Variants in ADGRB3 observed in about 807,000 individuals in gnomAD.
ADGRB3 encodes brain-specific angiogenesis inhibitor 3.
A neutral mutation model predicts 193.4 loss-of-function variants in ADGRB3; 37 were observed. The ratio of observed to expected loss-of-function variants is 0.19; its 90% confidence interval spans 0.15 to 0.25. ADGRB3 has a LOEUF of 0.25. Among genes scored for constraint, ADGRB3 ranks in the 10% least tolerant of loss-of-function variants. The pLI, the probability that ADGRB3 is intolerant of heterozygous loss-of-function variation, is 1.00. For synonymous variants in ADGRB3, 690 were observed against 644.2 expected, an observed-to-expected ratio of 1.07 and a Z score of -1.08; for missense variants, 1,637 against 1,852.9, an observed-to-expected ratio of 0.88 and a Z score of 2.14.
chr6:68,944,120 T>A, intron 6 of ADGRB3, 126 bp downstream of exon 6: 1 of 1,048,182 alleles, frequency 9.5e-7, no homozygotes, highest in Non-Finnish European at 1.3e-6. Flanking sequence ...CTTTTCATTG[T>A]ATCTTGCCTA....
rs143496660 is a variant in ADGRB3 at position 69,030,302 on chromosome 6, G to T, written c.2107+11803G>T. On this transcript the variant is annotated intron_variant, in intron 13 of 31. Coordinates refer to ENST00000370598, the MANE Select transcript of ADGRB3 (RefSeq NM_001704.3). ...GGATTATAAATCATTTTACTATAAA[G>T]ACACATGCACACATATGTTTATTGC... Among the ~76,000 whole-genome samples the T allele has an allele frequency of 1.4e-3, 212 of 152,198 alleles. 2 individuals carry two copies. The East Asian group carries it at 0.036, about 26-fold the overall frequency.
intron 3 of ADGRB3, among the ~76,000 whole-genome samples, chr6:68,817,934 T>G (rs1284858808): frequency 6.6e-6 from 1 of 152,114 alleles, no homozygotes; most frequent in Non-Finnish European, 1.5e-5. Flanking sequence ...TGTTGTGATT[T>G]GCATCATTTT....
chr6:69,011,920 T>G (rs1177340031), intron 11 of ADGRB3, among the ~76,000 whole-genome samples: 2 of 152,068 alleles, frequency 1.3e-5, no homozygotes, highest in African/African-American at 4.8e-5. Flanking sequence ...CAAATAACTT[T>G]ATTCTGTACT....
At chr6:69,362,929 A>G (rs1037442604) in intron 29 of ADGRB3, among the ~76,000 whole-genome samples, 3 of 152,036 alleles carry the variant, frequency 2.0e-5, no homozygotes, top group Non-Finnish European at 4.4e-5. Context: ...ATATAATAAC[A>G]TAACATTATA....
intron 30 of ADGRB3, among the ~76,000 whole-genome samples, chr6:69,378,377 A>G (rs979181618): frequency 1.3e-5 from 2 of 152,048 alleles, no homozygotes; most frequent in Non-Finnish European, 2.9e-5. Flanking sequence ...GATAGCAACA[A>G]GCAAAGAGAA....
intron 15 of ADGRB3, among the ~76,000 whole-genome samples, chr6:69,061,437 T>C (rs181200259): frequency 1.3e-3 from 201 of 152,124 alleles, no homozygotes; most frequent in African/African-American, 4.7e-3. Context: ...CTATATGACT[T>C]AAATGGTACA....
At chr6:69,358,063 T>C (rs1407819865) in intron 28 of ADGRB3, among the ~76,000 whole-genome samples, 1 of 151,940 alleles carries the variant, frequency 6.6e-6, no homozygotes, top group Non-Finnish European at 1.5e-5. Flanking sequence ...ACCTTCAGTG[T>C]TGTTTTTTTC....
intron 17 of ADGRB3, among the ~76,000 whole-genome samples, chr6:69,210,179 T>C (rs1348544368): frequency 2.3e-5 from 3 of 130,868 alleles, no homozygotes; most frequent in African/African-American, 5.9e-5. Flanking sequence ...TAAAGGGGAG[T>C]TTATTAAATA....
At chr6:69,087,219 C>T (rs560971098) in intron 17 of ADGRB3, among the ~76,000 whole-genome samples, 5 of 152,192 alleles carry the variant, frequency 3.3e-5, no homozygotes, top group South Asian at 2.1e-4. Context: ...TCTCAGGACC[C>T]GGTAGTTGAG....
intron 3 of ADGRB3, among the ~76,000 whole-genome samples, chr6:68,821,793 T>C (rs1767752625): frequency 6.6e-6 from 1 of 152,000 alleles, no homozygotes; most frequent in Non-Finnish European, 1.5e-5. Flanking sequence ...TTCTTACATG[T>C]ATTTTATTAA....
chr6:68,885,619 G>A (rs1283996614), intron 3 of ADGRB3, among the ~76,000 whole-genome samples: 1 of 152,150 alleles, frequency 6.6e-6, no homozygotes, highest in African/African-American at 2.4e-5. Flanking sequence ...TTAAAGTGTT[G>A]AACTCATGGA....
intron 3 of ADGRB3, among the ~76,000 whole-genome samples, chr6:68,809,234 G>A (rs1368595467): frequency 6.6e-6 from 1 of 152,164 alleles, no homozygotes; most frequent in African/African-American, 2.4e-5. Context: ...GTTGAAAGGT[G>A]CATTTGTTTT....
intron 15 of ADGRB3, 45 bp downstream of exon 15, chr6:69,049,391 C>A: frequency 2.2e-6 from 3 of 1,390,142 alleles, no homozygotes; most frequent in Non-Finnish European, 3.0e-6. Flanking sequence ...TAAATTATTC[C>A]AAAATGTGAT....
chr6:69,024,622 T>C (rs1239585187), intron 13 of ADGRB3, among the ~76,000 whole-genome samples: 4 of 152,240 alleles, frequency 2.6e-5, no homozygotes, highest in Non-Finnish European at 5.9e-5. Flanking sequence ...TAATTATTAG[T>C]TGTTAGGAAT....
At chr6:68,942,493 T>G (rs1383404744) in intron 5 of ADGRB3, among the ~76,000 whole-genome samples, 7 of 152,124 alleles carry the variant, frequency 4.6e-5, no homozygotes, top group Non-Finnish European at 1.0e-4. Context: ...AAAAAGCACA[T>G]TTTTTCTCAT....
intron 3 of ADGRB3, among the ~76,000 whole-genome samples, chr6:68,684,016 T>G (rs1247699364): frequency 6.6e-6 from 1 of 152,168 alleles, no homozygotes; most frequent in Non-Finnish European, 1.5e-5. Context: ...GGGCAAGTAT[T>G]TCCTGACTTG....
chr6:68,818,677 A>T (rs150782691), intron 3 of ADGRB3, among the ~76,000 whole-genome samples: 276 of 152,224 alleles, frequency 1.8e-3, no homozygotes, highest in African/African-American at 6.3e-3. Flanking sequence ...TATTTATCAC[A>T]TGCAGCTCTA....
In ADGRB3 at chr6:68,956,800, C is replaced by T. The variant is rs1416953235; in HGVS notation, c.1516C>T (p.Arg506Ter). Residue 506 changes from arginine to a stop codon, truncating the protein, a stop_gained, in exon 8 of 32, where the codon CGA (arginine) becomes TGA (stop). Coordinates refer to ENST00000370598, the MANE Select transcript of ADGRB3 (RefSeq NM_001704.3). LOFTEE classifies it high-confidence loss of function. ...GEEVRRCNEQ[R>*]CPAPYEICPE... is the part of the protein sequence containing the mutation. ...AGAAGTGAGAAGATGCAATGAGCAG[C>T]GATGCCCTGGTGAGAATGAACCCAA... is the stretch of plus-strand genomic sequence containing the variant. 1.2e-6 allele frequency: 2 copies of T among 1,612,892 alleles called. No homozygotes were observed. The highest frequency in any genetic ancestry group is 1.7e-6 in the Non-Finnish European group (2 of 1,179,360).
intron 3 of ADGRB3, among the ~76,000 whole-genome samples, chr6:68,761,860 T>C (rs1175331130): frequency 2.6e-5 from 4 of 152,208 alleles, no homozygotes; most frequent in East Asian, 3.8e-4. Flanking sequence ...AATTAGATAA[T>C]GTGCATGTCA....
Sources: allele counts gnomAD v4.1 joint callset (sites outside exome capture counted in the v4.1 genomes callset), GRCh38; gene constraint gnomAD v4.1.1; transcripts MANE v1.5; gene names NCBI Gene and HGNC (gene_info 2026-07-23, HGNC 2026-07-21).